The following FAF1 variants were observed in gnomAD, a reference collection of about 807,000 sequenced individuals.
The protein encoded by FAF1 is FAS-associated factor 1.
A neutral mutation model predicts 92.5 loss-of-function variants in FAF1; 25 were observed. That is an observed-to-expected ratio of 0.27 (90% CI 0.20 to 0.38). The LOEUF is 0.38. Among genes scored for constraint, FAF1 ranks in the 10% least tolerant of loss-of-function variants. The probability of loss-of-function intolerance (pLI) is 1.00; values close to 1 mark genes in which losing one functional copy is unlikely to be tolerated. For missense variants in FAF1, 636 were observed against 793.3 expected, an observed-to-expected ratio of 0.80 and a Z score of 2.38; for synonymous variants, 234 against 273.2, an observed-to-expected ratio of 0.86 and a Z score of 1.42.
intron 6 of FAF1, among the ~76,000 whole-genome samples, chr1:50,729,034 C>CTATCTATATATATATATA (rs774816134): frequency 1.1e-5 from 1 of 88,124 alleles, no homozygotes; most frequent in African/African-American, 4.9e-5. Context: ...ATCTATCTAT[C>CTATCTATATATATATATA]TATATATATA....
chr1:50,742,215 G>T (rs912186852), intron 5 of FAF1, among the ~76,000 whole-genome samples: 3 of 152,046 alleles, frequency 2.0e-5, no homozygotes, highest in Non-Finnish European at 4.4e-5. Context: ...TTAGAAGGCT[G>T]AGGTAGAAGC....
At chr1:50,735,609 G>GT (rs1303840298) in intron 6 of FAF1, among the ~76,000 whole-genome samples, 2 of 151,966 alleles carry the variant, frequency 1.3e-5, no homozygotes. Flanking sequence ...TTGTTTTCTT[G>GT]TTTTTTAACA....
At chr1:50,456,859 G>A (rs1426191082) in intron 18 of FAF1, among the ~76,000 whole-genome samples, 2 of 152,148 alleles carry the variant, frequency 1.3e-5, no homozygotes, top group African/African-American at 2.4e-5. Context: ...CAGCCCTAGG[G>A]TGTCAATTAG....
chr1:50,826,354 C>G (rs761493930), intron 2 of FAF1, among the ~76,000 whole-genome samples: 2 of 151,790 alleles, frequency 1.3e-5, no homozygotes, highest in Non-Finnish European at 2.9e-5. Context: ...AGTTCAAGAC[C>G]AGCTTAGCCA....
At chr1:50,838,521 C>T (rs896234062) in intron 2 of FAF1, among the ~76,000 whole-genome samples, 1 of 146,946 alleles carries the variant, frequency 6.8e-6, no homozygotes, top group South Asian at 2.1e-4. Flanking sequence ...TATAATTTTA[C>T]ATTAACATAA....
In FAF1 at chr1:50,906,669, G is replaced by A. The variant is rs564337682; in HGVS notation, c.46-48672C>T. Among the ~76,000 whole-genome samples, 35 of 152,182 alleles carry A rather than the reference G, an allele frequency of 2.3e-4. No individual in the cohort carries two copies. In the East Asian group the frequency reaches 4.6e-3, roughly 20 times the overall value. On this transcript the variant is annotated intron_variant, in intron 1 of 18. Coordinates refer to ENST00000396153, the MANE Select transcript of FAF1 (RefSeq NM_007051.3). ...GTGAATGGGAGTTCACTCATGATTC[G>A]GCTCTCTGTTTGTCTGTTATTGGTG... is the stretch of plus-strand genomic sequence containing the variant.
chr1:50,573,518 C>G (rs979206524), intron 12 of FAF1, among the ~76,000 whole-genome samples: 1 of 152,142 alleles, frequency 6.6e-6, no homozygotes, highest in African/African-American at 2.4e-5. Flanking sequence ...TCAAAGAACT[C>G]CAAGCTAGTT....
chr1:50,631,005 C>G (rs938232977), intron 8 of FAF1, among the ~76,000 whole-genome samples: 3 of 151,566 alleles, frequency 2.0e-5, no homozygotes, highest in Non-Finnish European at 4.4e-5. Flanking sequence ...GTTTCACCAT[C>G]TTGGCCAGGC....
chr1:50,838,673 G>C (rs1644232130), intron 2 of FAF1, among the ~76,000 whole-genome samples: 1 of 151,040 alleles, frequency 6.6e-6, no homozygotes, highest in South Asian at 2.1e-4. Flanking sequence ...GATGTTACTG[G>C]GTTTTGCAAA....
At chr1:50,730,832 A>AGTTT (rs1191929765) in intron 6 of FAF1, among the ~76,000 whole-genome samples, 1 of 152,210 alleles carries the variant, frequency 6.6e-6, no homozygotes, top group Non-Finnish European at 1.5e-5. Context: ...ATATATTGCT[A>AGTTT]GTTGCTACAC....
In FAF1 at chr1:50,439,136, C is replaced by T. The variant is rs576236340; in HGVS notation, c.*2304G>A. ...CCAAGCAAATATTCAGACTGACTCA[C>T]TTACTGGGCCTGGAGGCTGGGATGT... is the stretch of plus-strand genomic sequence containing the variant. On this transcript the variant is annotated 3_prime_UTR_variant, in exon 19 of 19. Transcript: ENST00000396153. The T allele has an allele frequency of 2.6e-5, 4 of 152,378 alleles. No homozygotes were observed. The South Asian group carries it at 8.3e-4, about 32-fold the overall frequency. The allele number at this position is 152,378 out of a possible 1,614,324, so 9.4% of individuals were successfully genotyped here.
chr1:50,579,618 A>C (rs1029908184), intron 12 of FAF1, among the ~76,000 whole-genome samples: 2 of 152,172 alleles, frequency 1.3e-5, no homozygotes, highest in Non-Finnish European at 2.9e-5. Flanking sequence ...ATGTCACCTA[A>C]ATCTAACAAA....
In FAF1 at chr1:50,959,839, G is replaced by A; in HGVS notation, c.-28C>T. The A allele has an allele frequency of 6.5e-7, 1 of 1,534,820 alleles. No homozygotes were observed. The highest frequency in any genetic ancestry group is 1.2e-5 in the South Asian group (1 of 84,246). Reference sequence around the variant, plus strand: ...CGGCCGCCGAGTTCCGCGGCTCCGGGAGCGAAGCGCGCACCTGGGAGGCAG... The same window carrying A: ...CGGCCGCCGAGTTCCGCGGCTCCGGAAGCGAAGCGCGCACCTGGGAGGCAG... On this transcript the variant is annotated 5_prime_UTR_variant, in exon 1 of 19. Coordinates refer to ENST00000396153, the MANE Select transcript of FAF1 (RefSeq NM_007051.3).
intron 3 of FAF1, among the ~76,000 whole-genome samples, chr1:50,799,451 C>G (rs997854962): frequency 6.6e-6 from 1 of 151,824 alleles, no homozygotes; most frequent in African/African-American, 2.4e-5. Context: ...TGGATTCACA[C>G]AAAAACCTGA....
chr1:50,700,964 T>C (rs115069968), intron 7 of FAF1, among the ~76,000 whole-genome samples: 280 of 152,250 alleles, frequency 1.8e-3, no homozygotes, highest in Middle Eastern at 3.4e-3. Context: ...ATTTATAAAA[T>C]GATCCCTACT....
In FAF1 at chr1:50,586,200, A is replaced by G. The variant is rs1022595636; in HGVS notation, c.841-1389T>C. On this transcript the variant is annotated intron_variant, in intron 9 of 18. Transcript: ENST00000396153. ...TTTCATAGGGTTTCCTCCCTCCCCT[A>G]GGCCCAAACAAAATATTACAATACA... Among the ~76,000 whole-genome samples the G allele has an allele frequency of 7.9e-5, 12 of 152,278 alleles. No homozygotes were observed. In the East Asian group the frequency reaches 2.1e-3, roughly 27 times the overall value.
At chr1:50,584,881 T>C (rs923410001) in intron 9 of FAF1, 70 bp from the exon 10 acceptor site, 1 of 1,376,518 alleles carries the variant, frequency 7.3e-7, no homozygotes, top group African/African-American at 1.4e-5. Flanking sequence ...TAAGTTATAA[T>C]AATAACAACA....
intron 4 of FAF1, among the ~76,000 whole-genome samples, chr1:50,760,205 C>A (rs1211440780): frequency 6.6e-6 from 1 of 152,066 alleles, no homozygotes; most frequent in Admixed American, 6.6e-5. Context: ...GAGTGACCTA[C>A]AAAGAGACTT....
intron 9 of FAF1, among the ~76,000 whole-genome samples, chr1:50,590,421 T>G (rs533131545): frequency 7.2e-5 from 11 of 152,262 alleles, no homozygotes; most frequent in Admixed American, 2.0e-4. Flanking sequence ...TGGAATTGTT[T>G]TTCTAATTTT....
Sources: gnomAD v4.1 joint callset for allele counts (sites outside exome capture counted in the v4.1 genomes callset) on GRCh38, gnomAD v4.1.1 for gene constraint, MANE v1.5 for transcripts, NCBI Gene and HGNC (gene_info 2026-07-23, HGNC 2026-07-21) for gene names.